Variants in CDC42SE2 observed in about 807,000 individuals in gnomAD.
CDC42SE2 encodes the protein CDC42 small effector protein 2.
CDC42SE2 carries 3 observed loss-of-function variants against 11.5 expected under a neutral mutation model. The observed-to-expected ratio is 0.26, with a 90% CI of 0.12 to 0.67. CDC42SE2 has a LOEUF of 0.67. CDC42SE2 is among the 30% of genes least tolerant of loss of function. The pLI is 0.80. For synonymous variants in CDC42SE2, 33 were observed against 34.8 expected, an observed-to-expected ratio of 0.95 and a Z score of 0.18; for missense variants, 82 against 106.8, an observed-to-expected ratio of 0.77 and a Z score of 1.02.
intron 1 of CDC42SE2, among the ~76,000 whole-genome samples, chr5:131,281,131 C>A (rs1370970190): frequency 6.6e-6 from 1 of 152,172 alleles, no homozygotes; most frequent in Non-Finnish European, 1.5e-5. Flanking sequence ...ATATCCATTA[C>A]CTGGGGTAGA....
the CDC42SE2 span, among the ~76,000 whole-genome samples, chr5:131,224,093 C>T: frequency 6.6e-6 from 1 of 152,190 alleles, no homozygotes; most frequent in Non-Finnish European, 1.5e-5. Context: ...TCTAACCTCT[C>T]AGTGTTGGAA....
At chr5:131,216,217 G>A in the CDC42SE2 span, among the ~76,000 whole-genome samples, 1 of 152,098 alleles carries the variant, frequency 6.6e-6, no homozygotes, top group Non-Finnish European at 1.5e-5. Flanking sequence ...GCTCACGCCT[G>A]TAATCCCAGC....
intron 1 of CDC42SE2, among the ~76,000 whole-genome samples, chr5:131,279,848 C>T (rs981411951): frequency 7.2e-5 from 11 of 152,082 alleles, no homozygotes; most frequent in South Asian, 6.2e-4. Flanking sequence ...CTGAGGTGGG[C>T]GATTGCTTGA....
chr5:131,324,499 T>C (rs1758257883), intron 2 of CDC42SE2, among the ~76,000 whole-genome samples: 1 of 152,136 alleles, frequency 6.6e-6, no homozygotes, highest in Admixed American at 6.5e-5. Context: ...TAATAAGAAT[T>C]AGTTGTGCAG....
At chr5:131,321,412 G>GTT (rs1362813525) in intron 2 of CDC42SE2, among the ~76,000 whole-genome samples, 1 of 152,116 alleles carries the variant, frequency 6.6e-6, no homozygotes, top group East Asian at 1.9e-4. Context: ...GATAGTCCTA[G>GTT]TTATTTGGGA....
At position 131,355,810 on chromosome 5, in the gene CDC42SE2, G is replaced by A. The variant is rs144411627; in HGVS notation, c.-285-3399G>A. Reference sequence around the variant, plus strand: ...CTAAAAAGCATTTGTATTAAATTGCGGGTAGGATGTTGGAGTTTAACTTCA... The same window carrying A: ...CTAAAAAGCATTTGTATTAAATTGCAGGTAGGATGTTGGAGTTTAACTTCA... On this transcript the variant is annotated intron_variant, in intron 2 of 4. Coordinates refer to ENST00000505065, the MANE Select transcript of CDC42SE2 (RefSeq NM_001375635.1). Among the ~76,000 whole-genome samples the A allele has an allele frequency of 2.7e-3, 410 of 152,152 alleles. 3 individuals are homozygous for A. Among genetic ancestry groups the A allele is most frequent in the African/African-American group, 9.3e-3 (384 of 41,504 alleles).
chr5:131,256,435 G>A (rs2149684841), intron 2 of CDC42SE2, among the ~76,000 whole-genome samples: 1 of 152,214 alleles, frequency 6.6e-6, no homozygotes, highest in East Asian at 1.9e-4. Flanking sequence ...ATTGCTGTGT[G>A]ACAAATTAAT....
chr5:131,332,624 C>T (rs1237713857), intron 2 of CDC42SE2, among the ~76,000 whole-genome samples: 1 of 152,146 alleles, frequency 6.6e-6, no homozygotes, highest in Non-Finnish European at 1.5e-5. Context: ...TCCTCTCCAG[C>T]ACCTGTTGTT....
intron 1 of CDC42SE2, among the ~76,000 whole-genome samples, chr5:131,252,166 T>C (rs1227164335): frequency 6.6e-6 from 1 of 151,950 alleles, no homozygotes; most frequent in Non-Finnish European, 1.5e-5. Context: ...TGAATGAAGG[T>C]TACAAGAAGC....
chr5:131,383,083 T>C (rs1750370615), intron 3 of CDC42SE2, among the ~76,000 whole-genome samples: 1 of 152,128 alleles, frequency 6.6e-6, no homozygotes, highest in Non-Finnish European at 1.5e-5. Context: ...TGGTTGGAAA[T>C]AGACAAACTG....
At chr5:131,217,428 G>T in the CDC42SE2 span, among the ~76,000 whole-genome samples, 1 of 152,128 alleles carries the variant, frequency 6.6e-6, no homozygotes, top group African/African-American at 2.4e-5. Context: ...TGCTTTTAAA[G>T]GCTTATGTTT....
intron 1 of CDC42SE2, among the ~76,000 whole-genome samples, chr5:131,308,207 T>C (rs1757820521): frequency 1.3e-5 from 2 of 152,306 alleles, no homozygotes; most frequent in Admixed American, 1.3e-4. Flanking sequence ...AGGGAATCCT[T>C]TCCCCATTGC....
At chr5:131,325,406 G>GCAGCTTAC (rs919407110) in intron 2 of CDC42SE2, among the ~76,000 whole-genome samples, 4 of 151,464 alleles carry the variant, frequency 2.6e-5, no homozygotes, top group Admixed American at 6.6e-5. Context: ...TATTTTAAAA[G>GCAGCTTAC]CAGCTTACCA....
intron 3 of CDC42SE2, among the ~76,000 whole-genome samples, chr5:131,375,322 T>C (rs1377213285): frequency 1.3e-5 from 2 of 152,286 alleles, no homozygotes; most frequent in African/African-American, 4.8e-5. Flanking sequence ...AAAAGGTTAG[T>C]TACCTACTAA....
At chr5:131,285,665 A>C (rs1209446692) in intron 1 of CDC42SE2, among the ~76,000 whole-genome samples, 2 of 152,210 alleles carry the variant, frequency 1.3e-5, no homozygotes, top group East Asian at 1.9e-4. Context: ...AAGATATCTT[A>C]TGGTAGGCAA....
chr5:131,242,624 C>A (rs1756548623), upstream of CDC42SE2, among the ~76,000 whole-genome samples: 1 of 152,100 alleles, frequency 6.6e-6, no homozygotes. Context: ...CAAGTTCTGG[C>A]AGCCACCACC....
intron 2 of CDC42SE2, among the ~76,000 whole-genome samples, chr5:131,330,240 A>G (rs905597534): frequency 6.6e-6 from 1 of 152,226 alleles, no homozygotes. Flanking sequence ...GAATCTGAGC[A>G]GAAGCTATAA....
At chr5:131,307,466 T>C (rs889359844) in intron 1 of CDC42SE2, among the ~76,000 whole-genome samples, 4 of 152,236 alleles carry the variant, frequency 2.6e-5, no homozygotes, top group African/African-American at 7.2e-5. Flanking sequence ...CAGTCTATCA[T>C]TGTTGGACAT....
chr5:131,285,815 C>T (rs576965795), intron 1 of CDC42SE2, among the ~76,000 whole-genome samples: 4 of 152,158 alleles, frequency 2.6e-5, no homozygotes, highest in Non-Finnish European at 5.9e-5. Flanking sequence ...CATAGGAACA[C>T]TGAATCTGGT....
Sources: gnomAD v4.1 joint callset for allele counts (sites outside exome capture counted in the v4.1 genomes callset) on GRCh38, gnomAD v4.1.1 for gene constraint, MANE v1.5 for transcripts, NCBI Gene and HGNC (gene_info 2026-07-23, HGNC 2026-07-21) for gene names.